Variants in SELE observed in about 807,000 individuals in gnomAD.
The protein encoded by SELE is selectin E.
A neutral mutation model predicts 75.8 loss-of-function variants in SELE; 52 were observed. That is an observed-to-expected ratio of 0.69 (90% confidence interval 0.55 to 0.86). SELE has a LOEUF of 0.86. Ranked by LOEUF, SELE falls within the 40% of genes least tolerant of loss-of-function variation. The pLI is 0.00. For missense variants in SELE, 754 were observed against 732.7 expected (o/e 1.03, Z -0.34); for synonymous variants, 285 against 258.7 (o/e 1.10, Z -0.98).
chr1:169,728,358 T>G (rs1648829201), intron 7 of SELE, 112 bp from the exon 8 acceptor site: 1 of 1,010,216 alleles, frequency 9.9e-7, no homozygotes, highest in African/African-American at 1.6e-5. Context: ...TGAAGATTCT[T>G]TATAATTCCC....
intron 3 of SELE, among the ~76,000 whole-genome samples, chr1:169,732,396 A>G (rs1305203950): frequency 1.3e-5 from 2 of 148,846 alleles, no homozygotes; most frequent in Non-Finnish European, 3.0e-5. Context: ...ACACACATAT[A>G]TGTGTGTGTG....
chr1:169,732,673 A>G lies in SELE; in HGVS notation c.363T>C (p.Asp121=). 6.2e-7 allele frequency: 1 copy of G among 1,613,300 alleles called. No homozygotes were observed. Among genetic ancestry groups the G allele is most frequent in the Non-Finnish European group, 8.5e-7 (1 of 1,179,786 alleles). The change falls in exon 3 of 14, where the codon GAT becomes GAC. Residue 121 remains aspartate (D), a synonymous_variant. Transcript: ENST00000333360. ...ACCTCTCATCATTCCACATGCCCAC[A>G]TCTTTTTCTCTCTTGATGTAGATCT... is the stretch of plus-strand genomic sequence containing the variant. The part of the protein sequence containing the change: ...CVEIYIKREK[D]VGMWNDERCS...
chr1:169,725,756 A>G lies in SELE; in HGVS notation c.1821T>C (p.Ser607=), dbSNP rs1800018. 1.2e-6 allele frequency: 2 copies of G among 1,614,066 alleles called. No individual in the cohort carries two copies. The highest frequency in any genetic ancestry group is 1.7e-6 in the Non-Finnish European group (2 of 1,179,948). Reference sequence around the variant, plus strand: ...GATTCTTTTGAACTTAAAGGATGTAAGAAGGCTTTTGGTAGCTTCCATCTG... The same window carrying G: ...GATTCTTTTGAACTTAAAGGATGTAGGAAGGCTTTTGGTAGCTTCCATCTG... ...LESDGSYQKP[S]YIL Residue 607 remains serine (S), a synonymous_variant, in exon 13 of 14, where the codon TCT becomes TCC. Transcript: ENST00000333360.
chr1:169,732,966 A>C lies in SELE; in HGVS notation c.70T>G (p.Tyr24Asp). The C allele has an allele frequency of 6.2e-7, 1 of 1,607,484 alleles. No homozygotes were observed. The highest frequency in any genetic ancestry group is 8.5e-7 in the Non-Finnish European group (1 of 1,177,888). The change falls in exon 3 of 14, where the codon TAC becomes GAC. Residue 24 changes from tyrosine (Y) to aspartate (D), a missense_variant. Transcript: ENST00000333360. Reference protein sequence around the residue: ...LLIKESGAWSYNTSTEAMTYD... With the variant: ...LLIKESGAWSDNTSTEAMTYD... ...GTCATAGCTTCCGTGGAGGTGTTGTAAGACCAGGCTCCACTCTCTTTAATG... is the reference window on the plus strand; with the variant it reads ...GTCATAGCTTCCGTGGAGGTGTTGTCAGACCAGGCTCCACTCTCTTTAATG...
At chr1:169,727,245 C>A in intron 10 of SELE, 104 bp downstream of exon 10, 3 of 1,298,292 alleles carry the variant, frequency 2.3e-6, no homozygotes, top group Non-Finnish European at 3.1e-6. Context: ...TCAACCTGGG[C>A]GAACTTTCTG....
intron 11 of SELE, 99 bp downstream of exon 11, chr1:169,726,600 T>C (rs1648779806): frequency 3.5e-6 from 3 of 845,812 alleles, no homozygotes; most frequent in Non-Finnish European, 3.9e-6. Context: ...ATCCAGATTC[T>C]AATTATTGTT....
chr1:169,730,575 A>T lies in SELE; in HGVS notation c.572T>A (p.Leu191Gln). 1 of 1,614,062 alleles carries T rather than the reference A, an allele frequency of 6.2e-7. No individual in the cohort carries two copies. Residue 191 changes from leucine to glutamine, a missense_variant, in exon 5 of 14, where the codon CTG (leucine) becomes CAG (glutamine). Physicochemically the swap from Leu to Gln is moderately radical, Grantham distance 113 (BLOSUM62 -2). Transcript: ENST00000333360. ...GTTTCCCAGTGGGTGACTGCAAACCAGGCTTCCATGCTCAGGGGATTCCAG... is the reference window on the plus strand; with the variant it reads ...GTTTCCCAGTGGGTGACTGCAAACCTGGCTTCCATGCTCAGGGGATTCCAG... ...TALESPEHGS[L>Q]VCSHPLGNFS...
chr1:169,730,911 A>G (rs1264892748), intron 4 of SELE, among the ~76,000 whole-genome samples: 1 of 151,890 alleles, frequency 6.6e-6, no homozygotes. Context: ...AATTATATGA[A>G]CAAACACAGC....
At position 169,728,213 on chromosome 1, in the gene SELE, C is replaced by T. The variant is rs776079701; in HGVS notation, c.1124G>A (p.Arg375Gln). Residue 375 changes from arginine to glutamine, a missense_variant, in exon 8 of 14, where the codon CGA (arginine) becomes CAA (glutamine). Transcript: ENST00000333360. ...FQCTALSNPE[R>Q]GYMNCLPSAS... Reference sequence around the variant, plus strand: ...ACTAGGAAGACAATTCATGTAGCCTCGCTCGGGGTTGGACAAGGCTGTGCA... The same window carrying T: ...ACTAGGAAGACAATTCATGTAGCCTTGCTCGGGGTTGGACAAGGCTGTGCA... 13 of 1,613,936 alleles carry T rather than the reference C, an allele frequency of 8.1e-6. No homozygotes were observed. Among genetic ancestry groups the T allele is most frequent in the South Asian group, 1.1e-5 (1 of 91,074 alleles).
chr1:169,732,478 G>T, intron 3 of SELE, 137 bp downstream of exon 3: 1 of 1,055,230 alleles, frequency 9.5e-7, no homozygotes, highest in Non-Finnish European at 1.3e-6. Context: ...AACAGCAAAA[G>T]AGAGAAACTT....
chr1:169,727,186 C>A (rs926358246), intron 10 of SELE, among the ~76,000 whole-genome samples, 163 bp downstream of exon 10: 1 of 152,206 alleles, frequency 6.6e-6, no homozygotes, highest in Non-Finnish European at 1.5e-5. Context: ...CATCAACATG[C>A]AACTTCTGTT....
intron 12 of SELE, 29 bp from the exon 13 acceptor site, chr1:169,725,830 A>G (rs1648750377): frequency 6.2e-7 from 1 of 1,613,808 alleles, no homozygotes; most frequent in African/African-American, 1.3e-5. Context: ...CACTAGGTAA[A>G]GCACTGTCTT....
intron 10 of SELE, 124 bp from the exon 11 acceptor site, chr1:169,726,930 T>C (rs1384206607): frequency 2.9e-6 from 2 of 679,970 alleles, no homozygotes; most frequent in Non-Finnish European, 5.1e-6. Context: ...TCTAGTTTAA[T>C]ACAAGAAGCA....
chr1:169,729,658 G>A lies in SELE; in HGVS notation c.731C>T (p.Ala244Val). Residue 244 changes from alanine (A) to valine (V), a missense_variant, in exon 6 of 14, where the codon GCT becomes GTT. By Grantham distance (64) the Ala-to-Val change is moderately conservative (BLOSUM62 0). Coordinates refer to ENST00000333360, the MANE Select transcript of SELE (RefSeq NM_000450.2). ...GAACCCATTGGCTGGATTTGTCACAGCATCACACTCAACCACTGAGGATTT... is the reference window on the plus strand; with the variant it reads ...GAACCCATTGGCTGGATTTGTCACAACATCACACTCAACCACTGAGGATTT... ...IPACNVVECD[A>V]VTNPANGFVE... 1 of 1,614,036 alleles carries A rather than the reference G, an allele frequency of 6.2e-7. No homozygotes were observed.
intron 4 of SELE, 72 bp from the exon 5 acceptor site, chr1:169,730,689 T>A: frequency 2.4e-5 from 19 of 800,630 alleles, no homozygotes; most frequent in South Asian, 5.4e-5. Flanking sequence ...AAACTAGAAC[T>A]ACAGTTTGGT....
At chr1:169,728,971 A>C (rs1034154032) in intron 7 of SELE, among the ~76,000 whole-genome samples, 4 of 152,148 alleles carry the variant, frequency 2.6e-5, no homozygotes, top group African/African-American at 9.7e-5. Flanking sequence ...TCAGCACATC[A>C]CAGTTAAAAA....
rs745895659 is a variant in SELE at position 169,729,495 on chromosome 1, C to G, written c.894G>C (p.Thr298=). The change falls in exon 6 of 14, where the codon ACG becomes ACC. Residue 298 remains threonine, a synonymous_variant. Coordinates refer to ENST00000333360, the MANE Select transcript of SELE (RefSeq NM_000450.2). ...SSGNWDNEKP[T]CKAVTCRAVR... is the part of the protein sequence containing the mutation. The stretch of plus-strand genomic sequence containing the variant: ...CATGTGGAACAACTCTACCTTTACA[C>G]GTTGGCTTCTCGTTGTCCCAATTCC... 6.2e-7 allele frequency: 1 copy of G among 1,613,982 alleles called. No individual in the cohort carries two copies. Among genetic ancestry groups the G allele is most frequent in the Non-Finnish European group, 8.5e-7 (1 of 1,179,900 alleles).
chr1:169,730,388 G>A, intron 5 of SELE, 44 bp downstream of exon 5: 1 of 1,435,482 alleles, frequency 7.0e-7, no homozygotes, highest in Non-Finnish European at 9.4e-7. Context: ...GAAGCAATGA[G>A]GGATGAGTTA....
chr1:169,732,961 G>C lies in SELE; in HGVS notation c.75C>G (p.Asn25Lys). 1 of 1,608,640 alleles carries C rather than the reference G, an allele frequency of 6.2e-7. No homozygotes were observed. Among genetic ancestry groups the C allele is most frequent in the East Asian group, 2.2e-5 (1 of 44,866 alleles). Reference sequence around the variant, plus strand: ...CATAAGTCATAGCTTCCGTGGAGGTGTTGTAAGACCAGGCTCCACTCTCTT... The same window carrying C: ...CATAAGTCATAGCTTCCGTGGAGGTCTTGTAAGACCAGGCTCCACTCTCTT... ...LIKESGAWSY[N>K]TSTEAMTYDE... Residue 25 changes from asparagine to lysine, a missense_variant, in exon 3 of 14, where the codon AAC becomes AAG. Transcript: ENST00000333360.
Sources: gnomAD v4.1 joint callset for allele counts (sites outside exome capture counted in the v4.1 genomes callset) on GRCh38, gnomAD v4.1.1 for gene constraint, MANE v1.5 for transcripts, NCBI Gene and HGNC (gene_info 2026-07-23, HGNC 2026-07-21) for gene names.